The following HPSE2 variants were observed in gnomAD, a reference collection of about 807,000 sequenced individuals.
HPSE2 encodes the protein inactive heparanase-2.
A neutral mutation model predicts 60.5 loss-of-function variants in HPSE2; 38 were observed. The ratio of observed to expected loss-of-function variants is 0.63; its 90% CI spans 0.48 to 0.82. The LOEUF is 0.82. Among genes scored for constraint, HPSE2 ranks in the 40% least tolerant of loss-of-function variants. The pLI is 0.00. For synonymous variants in HPSE2, 295 were observed against 293.2 expected, an observed-to-expected ratio of 1.01 and a Z score of -0.06; for missense variants, 713 against 740.4, an observed-to-expected ratio of 0.96 and a Z score of 0.43.
intron 3 of HPSE2, among the ~76,000 whole-genome samples, chr10:98,925,457 GC>G (rs774993886): frequency 1.3e-4 from 19 of 151,710 alleles, no homozygotes; most frequent in Non-Finnish European, 2.4e-4. Flanking sequence ...TGCCCATTCA[GC>G]CTTCATTCAC....
chr10:98,507,586 AT>A (rs1261246474), intron 9 of HPSE2, among the ~76,000 whole-genome samples: 1 of 151,472 alleles, frequency 6.6e-6, no homozygotes, highest in Non-Finnish European at 1.5e-5. Context: ...TCCATGTACC[AT>A]TTTCAGACTC....
intron 9 of HPSE2, among the ~76,000 whole-genome samples, chr10:98,610,042 T>C (rs986517809): frequency 2.0e-5 from 3 of 152,078 alleles, no homozygotes; most frequent in Non-Finnish European, 4.4e-5. Context: ...GGGGTTTCAC[T>C]ATGTTAGCCA....
chr10:98,639,045 C>G (rs1946571787), intron 7 of HPSE2, among the ~76,000 whole-genome samples: 1 of 152,170 alleles, frequency 6.6e-6, no homozygotes, highest in Admixed American at 6.5e-5. Flanking sequence ...TCTTTTCGCC[C>G]TGAAGCTTGG....
In HPSE2 at chr10:98,897,599, G is replaced by C. The variant is rs562580574; in HGVS notation, c.611-153543C>G. ...ATAAACCGGCAAAGGCAATTCAAGGGAGAAAGGATATCTTTCAAAAAAATG... is the reference window on the plus strand; with the variant it reads ...ATAAACCGGCAAAGGCAATTCAAGGCAGAAAGGATATCTTTCAAAAAAATG... On this transcript the variant is annotated intron_variant, in intron 3 of 11. Transcript: ENST00000370552. Among the ~76,000 whole-genome samples the C allele has an allele frequency of 7.2e-5, 11 of 152,036 alleles. No individual in the cohort carries two copies. The East Asian group carries it at 2.1e-3, about 29-fold the overall frequency.
intron 2 of HPSE2, among the ~76,000 whole-genome samples, chr10:99,160,690 G>A (rs1846794945): frequency 6.6e-6 from 1 of 151,882 alleles, no homozygotes; most frequent in Non-Finnish European, 1.5e-5. Flanking sequence ...ACGAGGTCAG[G>A]AGATCGAGAC....
rs1256863226 is a variant in HPSE2, at chr10:98,803,123, T to A, written c.611-59067A>T. Among the ~76,000 whole-genome samples the A allele has an allele frequency of 3.9e-5, 6 of 152,026 alleles. No homozygotes were observed. In the East Asian group the frequency reaches 7.7e-4, roughly 20 times the overall value. ...TTTTGGCTGCATATATGTCTTCTTT[T>A]GAGAAGTGTTTGTTCATGTCCTTTG... On this transcript the variant is annotated intron_variant, in intron 3 of 11. Transcript: ENST00000370552.
chr10:99,224,594 G>A (rs1469108587), intron 2 of HPSE2, among the ~76,000 whole-genome samples: 3 of 152,002 alleles, frequency 2.0e-5, no homozygotes, highest in African/African-American at 7.2e-5. Flanking sequence ...CTGACTACAG[G>A]AGTCCAGATC....
chr10:99,216,188 CTTTTT>C lies in HPSE2; in HGVS notation c.448+16155_448+16159del, dbSNP rs550046406. ...CTCGGCAATGGTCTAATAACCTAAA[CTTTTT>C]TTTTTTTTTTTTTTTTTTCTGAGAC... On this transcript the variant is annotated intron_variant, in intron 2 of 11. Coordinates refer to ENST00000370552, the MANE Select transcript of HPSE2 (RefSeq NM_021828.5). Among the ~76,000 whole-genome samples the C allele has an allele frequency of 4.1e-5, 4 of 97,652 alleles. No homozygotes were observed. In the East Asian group the frequency reaches 1.3e-3, roughly 31 times the overall value. 64.1% of individuals were successfully genotyped at this position (97,652 alleles called of 152,430 possible).
chr10:99,308,459 G>T, the HPSE2 span, among the ~76,000 whole-genome samples: 1 of 149,134 alleles, frequency 6.7e-6, no homozygotes, highest in Non-Finnish European at 1.5e-5. Context: ...CCATACAATG[G>T]AATATTATTT....
In HPSE2 at chr10:98,546,207, A is replaced by T. The variant is rs1320391078; in HGVS notation, c.1321-56011T>A. The stretch of plus-strand genomic sequence containing the variant: ...TGCTCATGGGTAGGAAGAATCAATA[A>T]CGTGAAAATGGCCATACTACCCAAG... On this transcript the variant is annotated intron_variant, in intron 9 of 11. Transcript: ENST00000370552. Among the ~76,000 whole-genome samples, 4 of 138,888 alleles carry T rather than the reference A, an allele frequency of 2.9e-5. 1 individual carries two copies. The highest frequency in any genetic ancestry group is 2.4e-4 in the South Asian group (1 of 4,234). 91.1% of individuals were successfully genotyped at this position (138,888 alleles called of 152,430 possible). A position where few individuals can be genotyped will look rare whatever the true frequency, so the allele number is the denominator to read the frequency against.
chr10:98,951,207 A>T (rs1955346994), intron 3 of HPSE2, among the ~76,000 whole-genome samples: 1 of 152,172 alleles, frequency 6.6e-6, no homozygotes, highest in South Asian at 2.1e-4. Flanking sequence ...TCTGGATGAC[A>T]ACAGTAAGAC....
intron 3 of HPSE2, among the ~76,000 whole-genome samples, chr10:99,090,343 G>A (rs1843469898): frequency 1.3e-5 from 2 of 151,980 alleles, no homozygotes; most frequent in Non-Finnish European, 2.9e-5. Flanking sequence ...ATATTCTGCA[G>A]TAATTAAACA....
intron 3 of HPSE2, among the ~76,000 whole-genome samples, chr10:98,802,712 G>C (rs1950944014): frequency 2.0e-5 from 3 of 149,854 alleles, no homozygotes; most frequent in South Asian, 2.1e-4. Context: ...TCTTAATCCA[G>C]TCTATCATTG....
rs557205498 is a variant in HPSE2 at position 99,163,017 on chromosome 10, G to A, written c.449-18618C>T. The stretch of plus-strand genomic sequence containing the variant: ...GAGGTCAGGAGATTGAGATCATCCT[G>A]GCTAACACGGTGAAACTCTGTCTCT... On this transcript the variant is annotated intron_variant, in intron 2 of 11. Coordinates refer to ENST00000370552, the MANE Select transcript of HPSE2 (RefSeq NM_021828.5). Among the ~76,000 whole-genome samples, 357 of 152,214 alleles carry A rather than the reference G, an allele frequency of 2.3e-3. 2 individuals are homozygous for A. The highest frequency in any genetic ancestry group is 3.9e-3 in the Non-Finnish European group (266 of 68,022).
intron 5 of HPSE2, among the ~76,000 whole-genome samples, chr10:98,713,532 A>G (rs1948723715): frequency 1.3e-5 from 2 of 151,924 alleles, no homozygotes; most frequent in Non-Finnish European, 1.5e-5. Flanking sequence ...TTAGTGGAAC[A>G]TTAATCCCTC....
intron 9 of HPSE2, among the ~76,000 whole-genome samples, chr10:98,510,140 G>C (rs1942341438): frequency 6.6e-6 from 1 of 152,012 alleles, no homozygotes; most frequent in Admixed American, 6.6e-5. Flanking sequence ...CACATTTACT[G>C]ATAAATATGA....
At chr10:98,768,411 T>C (rs1189536365) in intron 3 of HPSE2, among the ~76,000 whole-genome samples, 1 of 152,174 alleles carries the variant, frequency 6.6e-6, no homozygotes, top group Admixed American at 6.5e-5. Flanking sequence ...TCCTCTTTAC[T>C]ATTTGATTTG....
the HPSE2 span, among the ~76,000 whole-genome samples, chr10:99,308,861 A>C: frequency 7.2e-5 from 11 of 152,344 alleles, no homozygotes; most frequent in East Asian, 1.9e-3. Flanking sequence ...TAATTTTTCC[A>C]AAATAGGCGA....
chr10:98,761,174 T>A (rs1455771616), intron 3 of HPSE2, among the ~76,000 whole-genome samples: 1 of 152,072 alleles, frequency 6.6e-6, no homozygotes, highest in African/African-American at 2.4e-5. Context: ...TTTTCCTTTA[T>A]AATTTTATTT....
Sources: allele counts gnomAD v4.1 joint callset (sites outside exome capture counted in the v4.1 genomes callset), GRCh38; gene constraint gnomAD v4.1.1; transcripts MANE v1.5; gene names NCBI Gene and HGNC (gene_info 2026-07-23, HGNC 2026-07-21).